CDCA5: variants seen among roughly 807,000 people sequenced by gnomAD.
CDCA5 encodes the protein cell division cycle associated 5.
CDCA5 carries 14 observed loss-of-function variants against 25.7 expected under a neutral mutation model. The ratio of observed to expected loss-of-function variants is 0.54; its 90% CI spans 0.36 to 0.85. CDCA5 has a LOEUF of 0.85. Ranked by LOEUF, CDCA5 falls within the 40% of genes least tolerant of loss-of-function variation. The pLI is 0.01. For missense variants in CDCA5, 307 were observed against 324.5 expected (o/e 0.95, Z 0.41); for synonymous variants, 127 against 128.7 (o/e 0.99, Z 0.09).
At position 65,083,404 on chromosome 11, in the gene CDCA5, G is replaced by A. The variant is rs757672621; in HGVS notation, c.208-5C>T. The A allele has an allele frequency of 1.2e-6, 2 of 1,614,170 alleles. No homozygotes were observed. Among genetic ancestry groups the A allele is most frequent in the Admixed American group, 1.7e-5 (1 of 60,024 alleles). ...AGGTGATTGGACAGCTGGGACCTGCGGGGGACAATACCAATTGATCACATA... is the reference window on the plus strand; with the variant it reads ...AGGTGATTGGACAGCTGGGACCTGCAGGGGACAATACCAATTGATCACATA... On this transcript the variant is annotated splice_polypyrimidine_tract_variant and splice_region_variant and intron_variant, in intron 3 of 5. Transcript: ENST00000275517.
chr11:65,063,177 G>A (rs1246233417), downstream of CDCA5, among the ~76,000 whole-genome samples: 1 of 152,194 alleles, frequency 6.6e-6, no homozygotes, highest in Non-Finnish European at 1.5e-5. Flanking sequence ...CCATGCATAG[G>A]ACACCTGCGT....
downstream of CDCA5, among the ~76,000 whole-genome samples, chr11:65,061,333 C>A (rs1409488194): frequency 6.6e-6 from 1 of 152,212 alleles, no homozygotes; most frequent in African/African-American, 2.4e-5. Context: ...AATACAGCGG[C>A]CCCTGCTGGA....
intron 4 of CDCA5, among the ~76,000 whole-genome samples, chr11:65,080,473 G>A (rs1369159941): frequency 6.6e-6 from 1 of 152,110 alleles, no homozygotes; most frequent in Non-Finnish European, 1.5e-5. Context: ...GAGTGCAGTG[G>A]CACGATCATG....
In CDCA5 at chr11:65,078,037, G is replaced by A; in HGVS notation, c.*1070C>T. Reference sequence around the variant, plus strand: ...CTCCAGAGATCATGAGATGCATCCAGGCAGTGTTCTCATGTGAGAGGATAG... The same window carrying A: ...CTCCAGAGATCATGAGATGCATCCAAGCAGTGTTCTCATGTGAGAGGATAG... On this transcript the variant is annotated 3_prime_UTR_variant, in exon 6 of 6. Coordinates refer to ENST00000275517, the MANE Select transcript of CDCA5 (RefSeq NM_080668.4). The A allele has an allele frequency of 1.0e-6, 1 of 985,442 alleles. No homozygotes were observed. Among genetic ancestry groups the A allele is most frequent in the Non-Finnish European group, 1.2e-6 (1 of 829,940 alleles). The allele number at this position is 985,442 out of a possible 1,614,324, so 61.0% of individuals were successfully genotyped here.
chr11:65,078,520 T>G lies in CDCA5; in HGVS notation c.*587A>C. 1.0e-6 allele frequency: 1 copy of G among 985,580 alleles called. No individual in the cohort carries two copies. The highest frequency in any genetic ancestry group is 1.2e-6 in the Non-Finnish European group (1 of 830,032). The allele number at this position is 985,580 out of a possible 1,614,324, so 61.1% of individuals were successfully genotyped here. A position where few individuals can be genotyped will look rare whatever the true frequency, so the allele number is the denominator to read the frequency against. On this transcript the variant is annotated 3_prime_UTR_variant, in exon 6 of 6. Transcript: ENST00000275517. Reference sequence around the variant, plus strand: ...TCCCTACATCCTTCAAAACTCAGACTCCACAGGCTGAATGTCCAGCTTCTT... The same window carrying G: ...TCCCTACATCCTTCAAAACTCAGACGCCACAGGCTGAATGTCCAGCTTCTT...
downstream of CDCA5, among the ~76,000 whole-genome samples, chr11:65,074,028 G>A (rs983401239): frequency 6.6e-6 from 1 of 152,220 alleles, no homozygotes; most frequent in African/African-American, 2.4e-5. Flanking sequence ...CATGCCTGGA[G>A]GCTGAGACGC....
At chr11:65,079,245 T>C in intron 5 of CDCA5, 58 bp from the exon 6 acceptor site, 1 of 1,584,030 alleles carries the variant, frequency 6.3e-7, no homozygotes, top group East Asian at 2.2e-5. Context: ...GGCTGGAGCA[T>C]CTCACCCACA....
intron 1 of CDCA5, among the ~76,000 whole-genome samples, chr11:65,070,044 G>T (rs1409773266): frequency 6.6e-6 from 1 of 152,246 alleles, no homozygotes. Flanking sequence ...CACAGGATGT[G>T]CCGCCGGGTC....
At chr11:65,063,796 G>A (rs1049811114), downstream of CDCA5, among the ~76,000 whole-genome samples, 2 of 152,212 alleles carry the variant, frequency 1.3e-5, no homozygotes, top group Non-Finnish European at 2.9e-5. Flanking sequence ...CTTTGACTGG[G>A]AGAAATGTGT....
chr11:65,070,608 TG>T (rs1362548680), intron 1 of CDCA5, among the ~76,000 whole-genome samples: 1 of 152,040 alleles, frequency 6.6e-6, no homozygotes, highest in African/African-American at 2.4e-5. Context: ...TTCAGCCTCC[TG>T]AGTAGCTACA....
rs1426470538 is a variant in CDCA5 at position 65,079,739 on chromosome 11, T to C, written c.292A>G (p.Thr98Ala). The change falls in exon 5 of 6, where the codon ACT (threonine) becomes GCT (alanine). Residue 98 changes from threonine to alanine, a missense_variant. By Grantham distance (58) the Thr-to-Ala change is moderately conservative (BLOSUM62 0). Coordinates refer to ENST00000275517, the MANE Select transcript of CDCA5 (RefSeq NM_080668.4). ...KENEPPGREL[T>A]KEDLFKTHSV... ...TGTGTCTTGAAAAGGTCCTCCTTAG[T>C]AAGCTCCCTGCCAGGGGGCTCGTTT... 5 of 1,506,976 alleles carry C rather than the reference T, an allele frequency of 3.3e-6. No homozygotes were observed. The highest frequency in any genetic ancestry group is 4.4e-6 in the Non-Finnish European group (5 of 1,129,040). The allele number at this position is 1,506,976 out of a possible 1,614,324, so 93.4% of individuals were successfully genotyped here.
In CDCA5 at chr11:65,078,289, G is replaced by C. The variant is rs1446889797; in HGVS notation, c.*818C>G. On this transcript the variant is annotated 3_prime_UTR_variant, in exon 6 of 6. Transcript: ENST00000275517. The stretch of plus-strand genomic sequence containing the variant: ...TGCAGCAGAGTGGTAAGACTCCAGC[G>C]TGGGCCCTGTGCAAGGGACCAGCCC... 1.0e-6 allele frequency: 1 copy of C among 985,430 alleles called. No homozygotes were observed. The highest frequency in any genetic ancestry group is 6.1e-5 in the Admixed American group (1 of 16,278). The allele number at this position is 985,430 out of a possible 1,614,324, so 61.0% of individuals were successfully genotyped here. A position where few individuals can be genotyped will look rare whatever the true frequency, so the allele number is the denominator to read the frequency against.
At chr11:65,067,555 C>A (rs149037271) in intron 4 of CDCA5, 19 of 582,070 alleles carry the variant, frequency 3.3e-5, no homozygotes, top group Non-Finnish European at 4.7e-5. Context: ...CCTGAATGCC[C>A]GTTCACCAGC....
Position 65,079,132 on chromosome 11 carries a change from T to C in CDCA5, c.734A>G (p.Glu245Gly). ...TCATTCAACCAGGAGATCAAACTGC[T>C]CAGCAGCTTCAAACTCGGCATTCAT... Reference protein sequence around the residue: ...AAMNAEFEAAEQFDLLVE With the variant: ...AAMNAEFEAAGQFDLLVE Residue 245 changes from glutamate (E) to glycine (G), a missense_variant, in exon 6 of 6, where the codon GAG (glutamate) becomes GGG (glycine). Coordinates refer to ENST00000275517, the MANE Select transcript of CDCA5 (RefSeq NM_080668.4). 1 of 1,521,888 alleles carries C rather than the reference T, an allele frequency of 6.6e-7. No homozygotes were observed. Among genetic ancestry groups the C allele is most frequent in the Non-Finnish European group, 8.8e-7 (1 of 1,137,626 alleles). The allele number at this position is 1,521,888 out of a possible 1,614,324, so 94.3% of individuals were successfully genotyped here.
rs1377338266 is a variant in CDCA5, at chr11:65,068,467, G to A, written c.177+21C>T. 6.3e-6 allele frequency: 8 copies of A among 1,260,210 alleles called. No individual in the cohort carries two copies. The African/African-American group carries it at 1.1e-4, about 17-fold the overall frequency. The allele number at this position is 1,260,210 out of a possible 1,614,324, so 78.1% of individuals were successfully genotyped here. The stretch of plus-strand genomic sequence containing the variant: ...GCCTCCCCTGCCCACTGCCTTAGGA[G>A]GCCCTGGGGTTTCCCATCACCTCCA... On this transcript the variant is annotated intron_variant, in intron 2 of 6. Transcript: ENST00000525464.
chr11:65,083,103 G>T, intron 4 of CDCA5: 1 of 535,720 alleles, frequency 1.9e-6, no homozygotes, highest in Non-Finnish European at 3.3e-6. Context: ...GATTAGAAAG[G>T]CAGTACGTGG....
At chr11:65,083,298 A>G in intron 4 of CDCA5, 66 bp downstream of exon 4, 3 of 1,584,336 alleles carry the variant, frequency 1.9e-6, no homozygotes, top group Non-Finnish European at 2.6e-6. Context: ...TGAGGAGCCA[A>G]TGTGTGCTGT....
Position 65,077,853 on chromosome 11 carries a change from C to T in CDCA5, c.*1254G>A, listed in dbSNP as rs2137116944. The T allele has an allele frequency of 1.0e-6, 1 of 985,824 alleles. No individual in the cohort carries two copies. Among genetic ancestry groups the T allele is most frequent in the South Asian group, 4.7e-5 (1 of 21,288 alleles). The allele number at this position is 985,824 out of a possible 1,614,324, so 61.1% of individuals were successfully genotyped here. The stretch of plus-strand genomic sequence containing the variant: ...ATCTTCCCTGGCATTCTCTGTTATC[C>T]ACCAGCTCCTCTGCACACCTCAGCG... On this transcript the variant is annotated 3_prime_UTR_variant, in exon 6 of 6. Transcript: ENST00000275517.
At chr11:65,072,296 T>C (rs894635837) in intron 1 of CDCA5, among the ~76,000 whole-genome samples, 2 of 152,274 alleles carry the variant, frequency 1.3e-5, no homozygotes, top group Non-Finnish European at 2.9e-5. Flanking sequence ...GGCAGCCTGG[T>C]CTAGGCCCAT....
Sources: gnomAD v4.1 joint callset for allele counts (sites outside exome capture counted in the v4.1 genomes callset) on GRCh38, gnomAD v4.1.1 for gene constraint, MANE v1.5 for transcripts, NCBI Gene and HGNC (gene_info 2026-07-23, HGNC 2026-07-21) for gene names.